RNH1: variants seen among roughly 807,000 people sequenced by gnomAD.
RNH1 encodes the protein ribonuclease/angiogenin inhibitor 1.
Under a neutral mutation model 46.1 loss-of-function variants are expected in RNH1, and 38 were observed. The ratio of observed to expected loss-of-function variants is 0.82; its 90% CI spans 0.64 to 1.08. The LOEUF is 1.08. RNH1 is among the 50% of genes least tolerant of loss of function. The pLI, the probability that RNH1 is intolerant of heterozygous loss-of-function variation, is 0.00. For synonymous variants in RNH1, 319 were observed against 279.1 expected, an observed-to-expected ratio of 1.14 and a Z score of -1.43; for missense variants, 577 against 590.7, an observed-to-expected ratio of 0.98 and a Z score of 0.24.
rs752854959 is a variant in RNH1 at position 499,963 on chromosome 11, C to A, written c.309G>T (p.Gly103=). 1.3e-6 allele frequency: 2 copies of A among 1,598,204 alleles called. No homozygotes were observed. Among genetic ancestry groups the A allele is most frequent in the South Asian group, 1.1e-5 (1 of 89,374 alleles). ...QNCCLTGAGC[G]VLSSTLRTLP... is the part of the protein sequence containing the mutation. ...GGGTGCGTAGTGTGCTGGACAGGAC[C>A]CCGCAGCCGGCCCCCGTCAGGCAGC... Residue 103 remains glycine (G), a synonymous_variant, in exon 5 of 11, where the codon GGG becomes GGT. Transcript: ENST00000354420.
chr11:504,229 C>G (rs556034379), intron 2 of RNH1, among the ~76,000 whole-genome samples: 1 of 152,232 alleles, frequency 6.6e-6, no homozygotes, highest in Admixed American at 6.5e-5. Context: ...TAGGGAGACA[C>G]GGGCCACGCT....
At position 494,965 on chromosome 11, in the gene RNH1, T is replaced by C. The variant is rs1848917051; in HGVS notation, c.1216A>G (p.Ser406Gly). The C allele has an allele frequency of 6.2e-7, 1 of 1,607,244 alleles. No homozygotes were observed. Among genetic ancestry groups the C allele is most frequent in the Non-Finnish European group, 8.5e-7 (1 of 1,177,240 alleles). Reference protein sequence around the residue: ...ANHSLRELDLSNNCLGDAGIL... With the variant: ...ANHSLRELDLGNNCLGDAGIL... ...CCGGCGTCCCCCAGGCAGTTGTTGC[T>C]GAGGTCCAGCTCACGCAGGCTGTGG... Residue 406 changes from serine (S) to glycine (G), a missense_variant, in exon 10 of 11, where the codon AGC becomes GGC. Ser to Gly is a moderately conservative substitution (Grantham distance 56). Transcript: ENST00000354420.
At chr11:495,092 CCTGG>C (rs753105834) in intron 9 of RNH1, 39 bp from the exon 10 acceptor site, 18 of 1,579,908 alleles carry the variant, frequency 1.1e-5, no homozygotes, top group Non-Finnish European at 1.5e-5. Flanking sequence ...GCCGGGCGTG[CCTGG>C]CACCGCACTG....
rs1000628005 is a variant in RNH1 at position 501,539 on chromosome 11, G to A, written c.101+523C>T. 6.3e-6 allele frequency: 1 copy of A among 159,972 alleles called. No homozygotes were observed. Among genetic ancestry groups the A allele is most frequent in the African/African-American group, 2.4e-5 (1 of 41,546 alleles). 9.9% of individuals were successfully genotyped at this position (159,972 alleles called of 1,614,324 possible). A position where few individuals can be genotyped will look rare whatever the true frequency, so the allele number is the denominator to read the frequency against. On this transcript the variant is annotated intron_variant, in intron 3 of 10. Coordinates refer to ENST00000354420, the MANE Select transcript of RNH1 (RefSeq NM_203387.3). This position sits in a 1 kb window ranked among gnomAD's most constrained non-coding sequence, Gnocchi z 4.1. The stretch of plus-strand genomic sequence containing the variant: ...GCAGGTACACAGGACCACCTCACCA[G>A]GGAGCCCCGTCCGGTCCTCGTAACT...
In RNH1 at chr11:502,214, G is replaced by C. The variant is rs762231066; in HGVS notation, c.-52C>G. 1 of 1,428,124 alleles carries C rather than the reference G, an allele frequency of 7.0e-7. No individual in the cohort carries two copies. Among genetic ancestry groups the C allele is most frequent in the Non-Finnish European group, 9.7e-7 (1 of 1,029,820 alleles). 88.5% of individuals were successfully genotyped at this position (1,428,124 alleles called of 1,614,324 possible). A position where few individuals can be genotyped will look rare whatever the true frequency, so the allele number is the denominator to read the frequency against. On this transcript the variant is annotated 5_prime_UTR_variant, in exon 3 of 11. Transcript: ENST00000354420. This position sits in a 1 kb window ranked among gnomAD's most constrained non-coding sequence, Gnocchi z 5.8. ...GGAGGCAGAGGGAAGAGGACGTCTT[G>C]GCCGAATCCCCTCACAGTTTCACAG...
intron 4 of RNH1, 163 bp from the exon 5 acceptor site, chr11:500,162 G>A (rs1227867920): frequency 1.6e-5 from 13 of 827,494 alleles, no homozygotes; most frequent in African/African-American, 1.6e-4. Flanking sequence ...GCCGAGTGAA[G>A]GAGGGCACGC....
rs757236119 is a variant in RNH1, at chr11:500,522, C to T, written c.234G>A (p.Gln78=). The change falls in exon 4 of 11, where the codon CAG becomes CAA. Residue 78 remains glutamine, a synonymous_variant. Transcript: ENST00000354420. Reference sequence around the variant, plus strand: ...TCTTGCAGGAGGGGGTCTGCAGGCCCTGGAGCACGCAATGCACGCCGACAT... The same window carrying T: ...TCTTGCAGGAGGGGGTCTGCAGGCCTTGGAGCACGCAATGCACGCCGACAT... ...LGDVGVHCVL[Q]GLQTPSCKIQ... is the part of the protein sequence containing the mutation. The T allele has an allele frequency of 1.2e-6, 2 of 1,609,994 alleles. No individual in the cohort carries two copies. Among genetic ancestry groups the T allele is most frequent in the Admixed American group, 1.7e-5 (1 of 60,022 alleles).
At chr11:503,788 C>A (rs922209553) in intron 2 of RNH1, among the ~76,000 whole-genome samples, 2 of 152,144 alleles carry the variant, frequency 1.3e-5, no homozygotes, top group African/African-American at 4.8e-5. Context: ...GCTCCCGTGA[C>A]CATCTGCAAC....
chr11:499,808 T>C, intron 5 of RNH1, 21 bp downstream of exon 5: 2 of 1,597,348 alleles, frequency 1.3e-6, no homozygotes, highest in Non-Finnish European at 1.7e-6. Flanking sequence ...GCATGGGCCC[T>C]GGGGCAGGAC....
intron 9 of RNH1, among the ~76,000 whole-genome samples, chr11:497,011 C>T (rs1448468619): frequency 1.3e-5 from 2 of 152,274 alleles, no homozygotes; most frequent in African/African-American, 4.8e-5. Flanking sequence ...GTGCCGCCAG[C>T]CCGCCTTTCC....
chr11:496,119 A>G (rs1849035755), intron 9 of RNH1, among the ~76,000 whole-genome samples: 1 of 152,222 alleles, frequency 6.6e-6, no homozygotes, highest in Non-Finnish European at 1.5e-5. Flanking sequence ...CACCAAAGGT[A>G]TATTTTCTTA....
intron 9 of RNH1, among the ~76,000 whole-genome samples, chr11:497,290 C>A (rs1849204601): frequency 6.6e-6 from 1 of 151,084 alleles, no homozygotes; most frequent in African/African-American, 2.5e-5. Context: ...GACACTCGTG[C>A]TCATTCTTGC....
chr11:499,647 C>T (rs552554800), intron 5 of RNH1, 182 bp downstream of exon 5: 412 of 764,840 alleles, frequency 5.4e-4, no homozygotes, highest in Non-Finnish European at 7.6e-4. Context: ...GCCCCAGCAT[C>T]ATGGGGAGAG....
At chr11:496,636 T>C (rs1020373007) in intron 9 of RNH1, among the ~76,000 whole-genome samples, 9 of 152,106 alleles carry the variant, frequency 5.9e-5, no homozygotes, top group Non-Finnish European at 1.0e-4. Flanking sequence ...ACCACTGCAC[T>C]CCAGCCTGGG....
Position 502,615 on chromosome 11 carries a change from T to C in RNH1, c.-87-366A>G, listed in dbSNP as rs1021599909. ...CCCAGCAGGGGAGCAAGGGGGTCTG[T>C]GGGCTTGACCTGTGTCTCACCCTCA... On this transcript the variant is annotated intron_variant, in intron 2 of 10. Coordinates refer to ENST00000354420, the MANE Select transcript of RNH1 (RefSeq NM_203387.3). This position sits in a 1 kb window ranked among gnomAD's most constrained non-coding sequence, Gnocchi z 5.8. 4.6e-6 allele frequency: 1 copy of C among 216,782 alleles called. No individual in the cohort carries two copies. 13.4% of individuals were successfully genotyped at this position (216,782 alleles called of 1,614,324 possible).
intron 2 of RNH1, 61 bp downstream of exon 2, chr11:504,763 T>C (rs1000934327): frequency 5.3e-5 from 8 of 152,334 alleles, no homozygotes; most frequent in Admixed American, 5.2e-4. Context: ...GACCGGCCCC[T>C]GCCTCCTCCC....
intron 9 of RNH1, among the ~76,000 whole-genome samples, chr11:495,598 G>A (rs561943894): frequency 6.6e-6 from 1 of 152,208 alleles, no homozygotes; most frequent in Admixed American, 6.5e-5. Context: ...AGTTGCACTG[G>A]ACCTCTCCAA....
At position 501,094 on chromosome 11, in the gene RNH1, C is replaced by G. The variant is rs990673837; in HGVS notation, c.102-440G>C. 2.1e-5 allele frequency: 7 copies of G among 332,602 alleles called. No homozygotes were observed. The highest frequency in any genetic ancestry group is 1.7e-4 in the South Asian group (7 of 41,246). 20.6% of individuals were successfully genotyped at this position (332,602 alleles called of 1,614,324 possible). Reference sequence around the variant, plus strand: ...ATAAGCCATGAGGGAGCCACTCCAGCCTGGGTGACAGAGCAATGCCCTGTC... The same window carrying G: ...ATAAGCCATGAGGGAGCCACTCCAGGCTGGGTGACAGAGCAATGCCCTGTC... On this transcript the variant is annotated intron_variant, in intron 3 of 10. Coordinates refer to ENST00000354420, the MANE Select transcript of RNH1 (RefSeq NM_203387.3). The surrounding 1 kb of genome is among the most constrained non-coding windows in gnomAD (Gnocchi z 4.1).
chr11:501,942 C>A lies in RNH1; in HGVS notation c.101+120G>T, dbSNP rs1290780989. ...ACATCTCATGCACGTGGTAGCTGCA[C>A]AGAATTCATACTTCATGTCCACAAA... is the stretch of plus-strand genomic sequence containing the variant. On this transcript the variant is annotated intron_variant, in intron 3 of 10. Transcript: ENST00000354420. The surrounding 1 kb of genome is among the most constrained non-coding windows in gnomAD (Gnocchi z 4.1). The A allele has an allele frequency of 1.5e-6, 1 of 658,224 alleles. No homozygotes were observed. Among genetic ancestry groups the A allele is most frequent in the East Asian group, 2.7e-5 (1 of 36,576 alleles). The allele number at this position is 658,224 out of a possible 1,614,324, so 40.8% of individuals were successfully genotyped here.
Sources: allele counts gnomAD v4.1 joint callset (sites outside exome capture counted in the v4.1 genomes callset), GRCh38; gene constraint gnomAD v4.1.1; non-coding constraint Gnocchi (gnomAD v3.1); transcripts MANE v1.5; gene names NCBI Gene and HGNC (gene_info 2026-07-23, HGNC 2026-07-21).